Variants in ELF1 observed in about 807,000 individuals in gnomAD.
ELF1 encodes E74 like ETS transcription factor 1.
Under a neutral mutation model 59.9 loss-of-function variants are expected in ELF1, and 24 were observed. The ratio of observed to expected loss-of-function variants is 0.40; its 90% CI spans 0.29 to 0.56. ELF1 has a LOEUF of 0.56. Among genes scored for constraint, ELF1 ranks in the 20% least tolerant of loss-of-function variants. The probability of loss-of-function intolerance (pLI) is 0.44; values close to 1 mark genes in which losing one functional copy is unlikely to be tolerated. For synonymous variants in ELF1, 248 were observed against 266.2 expected, an observed-to-expected ratio of 0.93 and a Z score of 0.67; for missense variants, 627 against 742.2, an observed-to-expected ratio of 0.84 and a Z score of 1.80.
chr13:40,977,803 A>G (rs1207524425), intron 2 of ELF1, among the ~76,000 whole-genome samples: 1 of 152,228 alleles, frequency 6.6e-6, no homozygotes, highest in Non-Finnish European at 1.5e-5. Flanking sequence ...TCAAATCTAT[A>G]AAATGATTCT....
intron 8 of ELF1, among the ~76,000 whole-genome samples, chr13:40,935,866 G>T (rs1869733987): frequency 6.6e-6 from 1 of 151,758 alleles, no homozygotes; most frequent in Non-Finnish European, 1.5e-5. Context: ...GTAGGAACAG[G>T]GTTTCACCAC....
In ELF1 at chr13:40,933,924, C is replaced by G; in HGVS notation, c.1361G>C (p.Ser454Thr). ...QTVPLTTVIA[S>T]TDPSAGTGSQ... ...TCCAGTACCTGCTGATGGATCTGTG[C>G]TGGCTATAACTGTTGTGAGTGGCAC... is the stretch of plus-strand genomic sequence containing the variant. Residue 454 changes from serine (S) to threonine (T), a missense_variant, in exon 9 of 9, where the codon AGC becomes ACC. Ser to Thr is a moderately conservative substitution (Grantham distance 58). This residue lies in a region of ELF1 where 361 missense variants were observed against 396.1 expected (regional missense o/e 0.91). Coordinates refer to ENST00000239882, the MANE Select transcript of ELF1 (RefSeq NM_172373.4). 1 of 1,614,244 alleles carries G rather than the reference C, an allele frequency of 6.2e-7. No homozygotes were observed. Among genetic ancestry groups the G allele is most frequent in the South Asian group, 1.1e-5 (1 of 91,088 alleles).
chr13:41,050,661 C>T (rs1353415136), intron 1 of ELF1, among the ~76,000 whole-genome samples: 1 of 152,204 alleles, frequency 6.6e-6, no homozygotes, highest in Admixed American at 6.5e-5. Flanking sequence ...AGGGATTCTT[C>T]TGCTTCAGCC....
chr13:40,955,383 T>C (rs1392152743), intron 3 of ELF1, among the ~76,000 whole-genome samples: 4 of 114,612 alleles, frequency 3.5e-5, no homozygotes, highest in East Asian at 5.4e-4. Context: ...GGGGGGGTCA[T>C]CCCCCTGCCC....
chr13:40,977,081 G>A (rs1449963065), intron 2 of ELF1, among the ~76,000 whole-genome samples: 1 of 151,890 alleles, frequency 6.6e-6, no homozygotes, highest in African/African-American at 2.4e-5. Context: ...AAAAAATACA[G>A]TGTTTTTTTC....
intron 2 of ELF1, among the ~76,000 whole-genome samples, chr13:40,975,416 G>A (rs1180643524): frequency 6.6e-6 from 1 of 152,080 alleles, no homozygotes; most frequent in Non-Finnish European, 1.5e-5. Flanking sequence ...ATATACAACA[G>A]AGTAGAGGGA....
intron 1 of ELF1, among the ~76,000 whole-genome samples, chr13:41,037,465 T>C (rs899854218): frequency 6.6e-6 from 1 of 152,170 alleles, no homozygotes; most frequent in Non-Finnish European, 1.5e-5. Flanking sequence ...TTCTATAACA[T>C]CCCAAACCTC....
At position 40,964,139 on chromosome 13, in the gene ELF1, A is replaced by G. The variant is rs190782534; in HGVS notation, c.73-5123T>C. Among the ~76,000 whole-genome samples, 719 of 152,306 alleles carry G rather than the reference A, an allele frequency of 4.7e-3. 4 individuals are homozygous for G. Among genetic ancestry groups the G allele is most frequent in the Non-Finnish European group, 6.6e-3 (447 of 68,018 alleles). ...TAACTGGCTAAAGTATGAGTCATCA[A>G]GAACCTAAGAACTCTAGAACCACAC... On this transcript the variant is annotated intron_variant, in intron 2 of 8. Coordinates refer to ENST00000239882, the MANE Select transcript of ELF1 (RefSeq NM_172373.4).
chr13:40,948,355 C>T (rs1409137085), intron 5 of ELF1, among the ~76,000 whole-genome samples: 1 of 152,126 alleles, frequency 6.6e-6, no homozygotes, highest in East Asian at 1.9e-4. Context: ...AGGGTATATC[C>T]CTTCAAGGGT....
At chr13:41,035,848 AACAAC>A (rs1876357888) in intron 1 of ELF1, among the ~76,000 whole-genome samples, 2 of 142,538 alleles carry the variant, frequency 1.4e-5, no homozygotes, top group East Asian at 2.1e-4. Context: ...AAAAAAAAAC[AACAAC>A]AACAACAACA....
chr13:41,002,042 TG>T (rs1359715636), intron 1 of ELF1, among the ~76,000 whole-genome samples: 7 of 151,862 alleles, frequency 4.6e-5, no homozygotes, highest in Admixed American at 2.0e-4. Context: ...CTAAGAGTTG[TG>T]GGGAGAAGTT....
chr13:41,044,884 T>C (rs1186309499), intron 1 of ELF1, among the ~76,000 whole-genome samples: 1 of 152,238 alleles, frequency 6.6e-6, no homozygotes, highest in East Asian at 1.9e-4. Flanking sequence ...AGCTCCTCCT[T>C]GTACCTCTGG....
chr13:41,045,463 G>A (rs1266703521), intron 1 of ELF1, among the ~76,000 whole-genome samples: 2 of 152,188 alleles, frequency 1.3e-5, no homozygotes, highest in African/African-American at 4.8e-5. Flanking sequence ...TGCTTTAAAT[G>A]TGTCCCAGAG....
intron 1 of ELF1, among the ~76,000 whole-genome samples, chr13:40,998,624 C>T (rs369009865): frequency 1.3e-5 from 2 of 152,088 alleles, no homozygotes; most frequent in Admixed American, 1.3e-4. Context: ...TAGATAGAAG[C>T]AAACTTTAAA....
At chr13:40,942,271 G>C (rs184569265) in intron 7 of ELF1, among the ~76,000 whole-genome samples, 7 of 152,214 alleles carry the variant, frequency 4.6e-5, no homozygotes, top group Admixed American at 4.6e-4. Flanking sequence ...GTTTAAGACT[G>C]CTAAATTTTA....
At chr13:40,990,818 C>A (rs1159304555) in intron 1 of ELF1, among the ~76,000 whole-genome samples, 1 of 143,696 alleles carries the variant, frequency 7.0e-6, no homozygotes, top group Non-Finnish European at 1.5e-5. Context: ...CACCACTGCA[C>A]TCCAGCCTGG....
chr13:40,993,539 G>C (rs1431491473), intron 1 of ELF1, among the ~76,000 whole-genome samples: 1 of 152,142 alleles, frequency 6.6e-6, no homozygotes, highest in Non-Finnish European at 1.5e-5. Flanking sequence ...GGAGGGCAGT[G>C]GCATGATCCT....
chr13:41,061,250 C>A, exon 1 of ELF1: 1 of 265,946 alleles, frequency 3.8e-6, no homozygotes, highest in Non-Finnish European at 7.5e-6. Context: ...GCGCTGAGCT[C>A]CTTGGCCTTG....
At chr13:41,020,950 A>G (rs570266420), upstream of ELF1, among the ~76,000 whole-genome samples, 1 of 152,354 alleles carries the variant, frequency 6.6e-6, no homozygotes, top group African/African-American at 2.4e-5. Context: ...AAAAAGTGAA[A>G]TAGCTGATAA....
Sources: allele counts gnomAD v4.1 joint callset (sites outside exome capture counted in the v4.1 genomes callset), GRCh38; gene constraint gnomAD v4.1.1; regional missense constraint gnomAD v4.1.1; transcripts MANE v1.5; gene names NCBI Gene and HGNC (gene_info 2026-07-23, HGNC 2026-07-21).